Variants in IGFL2 observed in about 807,000 individuals in gnomAD.
IGFL2 encodes IGF like family member 2, also known as insulin growth factor-like family member 2.
Under a neutral mutation model 13.9 loss-of-function variants are expected in IGFL2, and 7 were observed. The observed-to-expected ratio is 0.51, with a 90% confidence interval of 0.29 to 0.95. The LOEUF is 0.95. Ranked by LOEUF, IGFL2 falls within the 40% of genes least tolerant of loss-of-function variation. The probability of loss-of-function intolerance (pLI) is 0.08; values close to 1 mark genes in which losing one functional copy is unlikely to be tolerated. For synonymous variants in IGFL2, 55 were observed against 55.8 expected, an observed-to-expected ratio of 0.99 and a Z score of 0.07; for missense variants, 138 against 147.8, an observed-to-expected ratio of 0.93 and a Z score of 0.34.
At chr19:46,181,307 C>T in the IGFL2 span, 1 of 152,158 alleles carries the variant, frequency 6.6e-6, no homozygotes, top group Non-Finnish European at 1.5e-5. Flanking sequence ...ACTGACCCTC[C>T]TTCTTGTCCA....
upstream of IGFL2, among the ~76,000 whole-genome samples, chr19:46,142,032 A>G (rs1386605563): frequency 6.6e-6 from 1 of 152,188 alleles, no homozygotes; most frequent in Non-Finnish European, 1.5e-5. Context: ...TAATACTCTC[A>G]TAATTCTCTC....
At chr19:46,148,954 T>A (rs1397377121) in intron 1 of IGFL2, 1 of 1,574,328 alleles carries the variant, frequency 6.4e-7, no homozygotes, top group Admixed American at 1.9e-5. Context: ...CACTATTGCC[T>A]GGAGTTCCTG....
At chr19:46,193,514 T>C in the IGFL2 span, among the ~76,000 whole-genome samples, 2 of 152,206 alleles carry the variant, frequency 1.3e-5, no homozygotes, top group South Asian at 2.1e-4. Context: ...AATTCAGATA[T>C]GCCAAACAGA....
At chr19:46,130,752 TA>T in the IGFL2 span, among the ~76,000 whole-genome samples, 1 of 152,194 alleles carries the variant, frequency 6.6e-6, no homozygotes, top group African/African-American at 2.4e-5. Context: ...TCCTTTTCTG[TA>T]AATGATACAC....
the IGFL2 span, among the ~76,000 whole-genome samples, chr19:46,192,016 A>G: frequency 2.0e-5 from 3 of 152,220 alleles, no homozygotes; most frequent in East Asian, 5.8e-4. Flanking sequence ...ACAGCAATAA[A>G]GTGAAAACCA....
At chr19:46,103,576 G>A in the IGFL2 span, among the ~76,000 whole-genome samples, 1 of 151,528 alleles carries the variant, frequency 6.6e-6, no homozygotes, top group African/African-American at 2.4e-5. Flanking sequence ...GATATCCGCT[G>A]TGATGGTTTG....
chr19:46,084,807 C>T, the IGFL2 span, among the ~76,000 whole-genome samples: 1 of 152,342 alleles, frequency 6.6e-6, no homozygotes, highest in Middle Eastern at 3.4e-3. Context: ...CTGGGTATTA[C>T]ATTTCAACAT....
the IGFL2 span, among the ~76,000 whole-genome samples, chr19:46,093,781 ACTGT>A: frequency 8.6e-4 from 131 of 152,338 alleles, 1 homozygote; most frequent in Non-Finnish European, 1.3e-3. Flanking sequence ...TGAATTGTTC[ACTGT>A]CTGTCTGTTT....
chr19:46,131,943 A>G, the IGFL2 span, among the ~76,000 whole-genome samples: 1 of 152,186 alleles, frequency 6.6e-6, no homozygotes, highest in African/African-American at 2.4e-5. Flanking sequence ...CCTCTCAAAC[A>G]ACAACAACAA....
chr19:46,148,903 A>T, intron 1 of IGFL2: 3 of 1,549,220 alleles, frequency 1.9e-6, no homozygotes, highest in Non-Finnish European at 2.6e-6. Flanking sequence ...TGATGAGGGG[A>T]TCATCCTGCC....
chr19:46,170,786 C>G, the IGFL2 span, among the ~76,000 whole-genome samples: 3 of 152,166 alleles, frequency 2.0e-5, no homozygotes, highest in African/African-American at 7.2e-5. Flanking sequence ...CCCAGGCTTG[C>G]TAGGATTAGG....
chr19:46,117,464 G>GT, the IGFL2 span, among the ~76,000 whole-genome samples: 1 of 151,046 alleles, frequency 6.6e-6, no homozygotes, highest in Non-Finnish European at 1.5e-5. Context: ...GTTGTTTTTT[G>GT]TTTGTTTGTT....
chr19:46,118,569 G>C, the IGFL2 span, among the ~76,000 whole-genome samples: 1 of 152,222 alleles, frequency 6.6e-6, no homozygotes, highest in African/African-American at 2.4e-5. Context: ...CAAAGATGTT[G>C]CTCCAGAAAG....
At chr19:46,185,980 G>A in the IGFL2 span, among the ~76,000 whole-genome samples, 4 of 152,108 alleles carry the variant, frequency 2.6e-5, no homozygotes, top group African/African-American at 7.2e-5. Flanking sequence ...TCATCGGCCC[G>A]GCCTCCGTCC....
upstream of IGFL2, among the ~76,000 whole-genome samples, chr19:46,142,791 G>A (rs571684423): frequency 1.1e-4 from 17 of 152,274 alleles, no homozygotes; most frequent in South Asian, 2.1e-4. Flanking sequence ...ATCCTTTTGC[G>A]TGTACTTCTG....
At chr19:46,120,073 A>G in the IGFL2 span, 1 of 526,812 alleles carries the variant, frequency 1.9e-6, no homozygotes, top group Non-Finnish European at 3.3e-6. Context: ...CGAATTGAAG[A>G]TGGTAAATGT....
the IGFL2 span, among the ~76,000 whole-genome samples, chr19:46,175,004 G>A: frequency 6.6e-6 from 1 of 152,166 alleles, no homozygotes; most frequent in African/African-American, 2.4e-5. Context: ...GAATCTGGGT[G>A]TTCAAATATT....
At chr19:46,155,681 T>C (rs1211105356) in intron 1 of IGFL2, among the ~76,000 whole-genome samples, 7 of 152,214 alleles carry the variant, frequency 4.6e-5, no homozygotes, top group African/African-American at 1.4e-4. Context: ...AATTTTCACA[T>C]TTTGTGTGAG....
At chr19:46,145,101 G>T (rs186214040), upstream of IGFL2, among the ~76,000 whole-genome samples, 195 of 152,014 alleles carry the variant, frequency 1.3e-3, no homozygotes, top group Non-Finnish European at 2.2e-3. Context: ...GTGCTTTTTT[G>T]GTGGGAACAT....
Sources: gnomAD v4.1 joint callset for allele counts (sites outside exome capture counted in the v4.1 genomes callset) on GRCh38, gnomAD v4.1.1 for gene constraint, MANE v1.5 for transcripts, NCBI Gene and HGNC (gene_info 2026-07-23, HGNC 2026-07-21) for gene names.